TMEM130: variants seen among roughly 807,000 people sequenced by gnomAD.
TMEM130 encodes the protein transmembrane protein 130.
Under a neutral mutation model 42.9 loss-of-function variants are expected in TMEM130, and 37 were observed. The ratio of observed to expected loss-of-function variants is 0.86; its 90% CI spans 0.66 to 1.13. The LOEUF is 1.13. Ranked by LOEUF, TMEM130 falls within the 50% of genes most tolerant of loss-of-function variation. The pLI is 0.00. For synonymous variants in TMEM130, 259 were observed against 237.7 expected (o/e 1.09, Z -0.82); for missense variants, 545 against 562.6 (o/e 0.97, Z 0.32).
chr7:98,855,103 C>G (rs1287070247), intron 5 of TMEM130, 137 bp downstream of exon 5: 4 of 573,664 alleles, frequency 7.0e-6, no homozygotes, highest in Non-Finnish European at 1.2e-5. Flanking sequence ...GGCCCAGCCT[C>G]AAGACAAAGT....
At chr7:98,848,279 A>G (rs1794408673) in intron 7 of TMEM130, 71 bp from the exon 8 acceptor site, 1 of 1,587,976 alleles carries the variant, frequency 6.3e-7, no homozygotes, top group South Asian at 1.1e-5. Context: ...TCAATCACCC[A>G]CCCACCAGGA....
In TMEM130 at chr7:98,869,757, C is replaced by T. The variant is rs1554401088; in HGVS notation, c.85+20G>A. 5 of 1,360,346 alleles carry T rather than the reference C, an allele frequency of 3.7e-6. No homozygotes were observed. In the East Asian group the frequency reaches 9.2e-5, roughly 25 times the overall value. 84.3% of individuals were successfully genotyped at this position (1,360,346 alleles called of 1,614,324 possible). On this transcript the variant is annotated intron_variant, in intron 1 of 7. Transcript: ENST00000339375. This position sits in a 1 kb window ranked among gnomAD's most constrained non-coding sequence, Gnocchi z 4.7. ...GGGCGGGCTGCGGCTGCAGGGAGGC[C>T]GGATTGCCCAGCGCCTTACCTGCGG...
rs782404819 is a variant in TMEM130 at position 98,851,453 on chromosome 7, T to A, written c.974A>T (p.His325Leu). 2.5e-6 allele frequency: 4 copies of A among 1,614,070 alleles called. No homozygotes were observed. The highest frequency in any genetic ancestry group is 2.5e-6 in the Non-Finnish European group (3 of 1,180,022). The part of the protein sequence containing the change: ...IRAENIISKT[H>L]QYHKIQVWPS... The stretch of plus-strand genomic sequence containing the variant: ...CCACACCTGGATCTTGTGGTACTGA[T>A]GTGTCTTGCTGATGATATTCTCGGC... The change falls in exon 6 of 8, where the codon CAT becomes CTT. Residue 325 changes from histidine to leucine, a missense_variant. Physicochemically the swap from His to Leu is moderately conservative, Grantham distance 99 (BLOSUM62 -3). Transcript: ENST00000339375.
rs561228274 is a variant in TMEM130 at position 98,854,619 on chromosome 7, T to C, written c.803+621A>G. Among the ~76,000 whole-genome samples, 320 of 152,242 alleles carry C rather than the reference T, an allele frequency of 2.1e-3. 1 individual carries two copies. The highest frequency in any genetic ancestry group is 7.4e-3 in the African/African-American group (306 of 41,554). On this transcript the variant is annotated intron_variant, in intron 5 of 7. Transcript: ENST00000339375. ...AGGCATGGTGGTGCCCACCTGTAGT[T>C]CCAGCCACCCAGGAGGCTGAGGCAG...
rs567073057 is a variant in TMEM130 at position 98,859,016 on chromosome 7, G to GGGAA, written c.551+1159_551+1162dup. Among the ~76,000 whole-genome samples the GGGAA allele has an allele frequency of 3.9e-3, 569 of 145,938 alleles. 2 individuals carry two copies. The highest frequency in any genetic ancestry group is 5.2e-3 in the Non-Finnish European group (343 of 66,162). On this transcript the variant is annotated intron_variant, in intron 3 of 7. Transcript: ENST00000339375. Reference sequence around the variant, plus strand: ...GGAGGGAGGGGAGAGGAGAGGAAGGGGGAAGGAAGGAAGGAAGGAAGAAAG... The same window carrying GGGAA: ...GGAGGGAGGGGAGAGGAGAGGAAGGGGGAAGGAAGGAAGGAAGGAAGGAAGAAAG...
intron 5 of TMEM130, among the ~76,000 whole-genome samples, chr7:98,853,415 G>A (rs183321836): frequency 2.7e-4 from 41 of 152,190 alleles, no homozygotes; most frequent in African/African-American, 9.1e-4. Flanking sequence ...ATCACTTGAG[G>A]TCAGGAGTTT....
Position 98,860,255 on chromosome 7 carries a change from C to A in TMEM130, c.475G>T (p.Val159Phe). The change falls in exon 3 of 8, where the codon GTC becomes TTC. Residue 159 changes from valine to phenylalanine, a missense_variant. Coordinates refer to ENST00000339375, the MANE Select transcript of TMEM130 (RefSeq NM_152913.3). ...CTCGGGTCGTGGAGGAGGAAGGAGA[C>A]TTTCAGGACGGTCTTAGTGAGATAG... is the stretch of plus-strand genomic sequence containing the variant. Reference protein sequence around the residue: ...SSYLTKTVLKVSFLLHDPSNF... With the variant: ...SSYLTKTVLKFSFLLHDPSNF... The A allele has an allele frequency of 6.2e-7, 1 of 1,613,948 alleles. No individual in the cohort carries two copies. Among genetic ancestry groups the A allele is most frequent in the Non-Finnish European group, 8.5e-7 (1 of 1,179,950 alleles).
intron 1 of TMEM130, among the ~76,000 whole-genome samples, chr7:98,868,165 G>A (rs1554400891): frequency 6.6e-6 from 1 of 152,326 alleles, no homozygotes; most frequent in Non-Finnish European, 1.5e-5. Flanking sequence ...GAAGGTGGAG[G>A]TTGCAGTGAG....
In TMEM130 at chr7:98,869,711, G is replaced by T; in HGVS notation, c.85+66C>A. ...TCCCTGCTCCCGGGCCCACTCGCCC[G>T]CTGAGACGGTTCCAGGCCCCGGGCG... On this transcript the variant is annotated intron_variant, in intron 1 of 7. Transcript: ENST00000339375. This position sits in a 1 kb window ranked among gnomAD's most constrained non-coding sequence, Gnocchi z 4.7. 2.4e-6 allele frequency: 3 copies of T among 1,227,822 alleles called. No individual in the cohort carries two copies. The highest frequency in any genetic ancestry group is 3.2e-6 in the Non-Finnish European group (3 of 946,148). The allele number at this position is 1,227,822 out of a possible 1,614,324, so 76.1% of individuals were successfully genotyped here.
intron 2 of TMEM130, among the ~76,000 whole-genome samples, chr7:98,862,551 T>C (rs1794805566): frequency 8.0e-6 from 1 of 125,766 alleles, no homozygotes; most frequent in Non-Finnish European, 1.6e-5. Flanking sequence ...GAGGCTGGAG[T>C]GCAGTGGCAC....
intron 5 of TMEM130, among the ~76,000 whole-genome samples, chr7:98,853,555 G>A (rs1225693489): frequency 6.6e-6 from 1 of 152,210 alleles, no homozygotes; most frequent in Non-Finnish European, 1.5e-5. Flanking sequence ...TTGAACCCGG[G>A]AGGCGGAGGT....
chr7:98,849,033 C>T (rs920316715), intron 6 of TMEM130, among the ~76,000 whole-genome samples: 1 of 152,162 alleles, frequency 6.6e-6, no homozygotes, highest in African/African-American at 2.4e-5. Context: ...CAGTGCATGA[C>T]TCCTGAGTCT....
At position 98,846,625 on chromosome 7, in the gene TMEM130, C is replaced by G. The variant is rs2116046815; in HGVS notation, c.*1431G>C. 1 of 152,408 alleles carries G rather than the reference C, an allele frequency of 6.6e-6. No individual in the cohort carries two copies. The highest frequency in any genetic ancestry group is 1.9e-4 in the East Asian group (1 of 5,164). The allele number at this position is 152,408 out of a possible 1,614,324, so 9.4% of individuals were successfully genotyped here. A position where few individuals can be genotyped will look rare whatever the true frequency, so the allele number is the denominator to read the frequency against. ...AGCAGATGGTTACAGCGACAGAGCC[C>G]AGACCCCACAGTCCTCCCCTGCCCT... On this transcript the variant is annotated 3_prime_UTR_variant, in exon 8 of 8. Transcript: ENST00000339375.
rs1794857606 is a variant in TMEM130 at position 98,864,236 on chromosome 7, C to T, written c.86-836G>A. Reference sequence around the variant, plus strand: ...TTGGTTTTGTTTTGAGACAAGATCTCCCTCTGTCATCCAGGCTGGGGTGTA... The same window carrying T: ...TTGGTTTTGTTTTGAGACAAGATCTTCCTCTGTCATCCAGGCTGGGGTGTA... On this transcript the variant is annotated intron_variant, in intron 1 of 7. Coordinates refer to ENST00000339375, the MANE Select transcript of TMEM130 (RefSeq NM_152913.3). Among the ~76,000 whole-genome samples the T allele has an allele frequency of 2.0e-5, 3 of 151,980 alleles. No individual in the cohort carries two copies. The South Asian group carries it at 6.2e-4, about 32-fold the overall frequency.
At chr7:98,851,374 T>C (rs781937289) in intron 6 of TMEM130, 47 bp downstream of exon 6, 1 of 1,587,374 alleles carries the variant, frequency 6.3e-7, no homozygotes, top group East Asian at 2.2e-5. Context: ...ATGGACAGGC[T>C]TGTGCTGCCC....
At chr7:98,856,583 G>T (rs558741366) in intron 3 of TMEM130, among the ~76,000 whole-genome samples, 26 of 152,172 alleles carry the variant, frequency 1.7e-4, no homozygotes, top group African/African-American at 6.3e-4. Context: ...CTGCAGCCTT[G>T]AATTCCTGGG....
chr7:98,863,506 CTG>C (rs1296198442), intron 1 of TMEM130, 106 bp from the exon 2 acceptor site: 1 of 1,207,246 alleles, frequency 8.3e-7, no homozygotes, highest in Non-Finnish European at 1.1e-6. Context: ...GGTGGAGAAA[CTG>C]AGGCTCAGGC....
intron 3 of TMEM130, among the ~76,000 whole-genome samples, chr7:98,859,644 G>C (rs1231012179): frequency 6.6e-6 from 1 of 152,082 alleles, no homozygotes; most frequent in Non-Finnish European, 1.5e-5. Context: ...GGAGGCCAAG[G>C]TGGGAGGATC....
chr7:98,862,967 G>C, intron 2 of TMEM130, 128 bp downstream of exon 2: 5 of 976,968 alleles, frequency 5.1e-6, no homozygotes, highest in Non-Finnish European at 7.2e-6. Flanking sequence ...CCCGGGGAAG[G>C]AACCTACGGG....
Sources: allele counts gnomAD v4.1 joint callset (sites outside exome capture counted in the v4.1 genomes callset), GRCh38; gene constraint gnomAD v4.1.1; non-coding constraint Gnocchi (gnomAD v3.1); transcripts MANE v1.5; gene names NCBI Gene and HGNC (gene_info 2026-07-23, HGNC 2026-07-21).